Variants in NSMCE2 observed in about 807,000 individuals in gnomAD.
NSMCE2 encodes the protein E3 SUMO-protein ligase NSE2.
A neutral mutation model predicts 23.8 loss-of-function variants in NSMCE2; 24 were observed. The observed-to-expected ratio is 1.01, with a 90% CI of 0.73 to 1.42. The LOEUF is 1.42. NSMCE2 is among the 40% of genes most tolerant of loss of function. The pLI, the probability that NSMCE2 is intolerant of heterozygous loss-of-function variation, is 0.00. For missense variants in NSMCE2, 284 were observed against 296.5 expected (o/e 0.96, Z 0.31); for synonymous variants, 92 against 94.1 (o/e 0.98, Z 0.13).
At chr8:125,234,441 G>T (rs1825459700) in intron 5 of NSMCE2, among the ~76,000 whole-genome samples, 1 of 152,090 alleles carries the variant, frequency 6.6e-6, no homozygotes, top group South Asian at 2.1e-4. Flanking sequence ...GTATCTTCTT[G>T]CTCTGAGTCT....
intron 5 of NSMCE2, among the ~76,000 whole-genome samples, chr8:125,244,475 A>G (rs1394404041): frequency 5.9e-5 from 9 of 152,172 alleles, no homozygotes; most frequent in Non-Finnish European, 1.3e-4. Context: ...ATTAAAACCA[A>G]ACATTTATTA....
chr8:125,341,131 A>T (rs760930285), intron 5 of NSMCE2, among the ~76,000 whole-genome samples: 1 of 152,098 alleles, frequency 6.6e-6, no homozygotes, highest in Non-Finnish European at 1.5e-5. Flanking sequence ...ATAAAAGTGT[A>T]GTTAGAGTAA....
chr8:125,336,199 A>G (rs1830059152), intron 5 of NSMCE2, among the ~76,000 whole-genome samples: 1 of 152,170 alleles, frequency 6.6e-6, no homozygotes, highest in Non-Finnish European at 1.5e-5. Flanking sequence ...TCCAGGGAAG[A>G]AGGAAAGGAA....
intron 3 of NSMCE2, among the ~76,000 whole-genome samples, chr8:125,114,916 G>T (rs1244938128): frequency 6.6e-6 from 1 of 152,142 alleles, no homozygotes; most frequent in Non-Finnish European, 1.5e-5. Context: ...TGCTCTTTTT[G>T]CTGGCAGTTA....
At chr8:125,232,733 A>G (rs1460941374) in intron 5 of NSMCE2, among the ~76,000 whole-genome samples, 1 of 152,128 alleles carries the variant, frequency 6.6e-6, no homozygotes, top group Admixed American at 6.5e-5. Flanking sequence ...TTCTTATGTT[A>G]TCGTAAAGCC....
At chr8:125,281,677 C>A (rs987769180) in intron 5 of NSMCE2, among the ~76,000 whole-genome samples, 1 of 151,716 alleles carries the variant, frequency 6.6e-6, no homozygotes, top group Non-Finnish European at 1.5e-5. Flanking sequence ...TGGCCTCAAG[C>A]AATCTTACCC....
chr8:125,122,359 G>T (rs1373235771), intron 3 of NSMCE2, among the ~76,000 whole-genome samples: 1 of 151,958 alleles, frequency 6.6e-6, no homozygotes, highest in Non-Finnish European at 1.5e-5. Flanking sequence ...AAAGCATCTG[G>T]CATTTGCTTC....
At chr8:125,264,475 C>T (rs987267193) in intron 5 of NSMCE2, among the ~76,000 whole-genome samples, 1 of 152,076 alleles carries the variant, frequency 6.6e-6, no homozygotes, top group African/African-American at 2.4e-5. Flanking sequence ...GGCGCGAGCT[C>T]GGCTTACTGC....
intron 5 of NSMCE2, chr8:125,182,539 C>A: frequency 2.2e-6 from 1 of 459,840 alleles, no homozygotes; most frequent in Non-Finnish European, 3.8e-6. Flanking sequence ...ATTGGGAAAA[C>A]AAAATAAAAG....
intron 4 of NSMCE2, among the ~76,000 whole-genome samples, chr8:125,158,158 T>C (rs1238711533): frequency 6.6e-6 from 1 of 152,178 alleles, no homozygotes; most frequent in African/African-American, 2.4e-5. Context: ...TCCAGCACTT[T>C]GTGGCAGAGT....
At chr8:125,344,754 A>AG (rs1830374647) in intron 5 of NSMCE2, among the ~76,000 whole-genome samples, 1 of 151,444 alleles carries the variant, frequency 6.6e-6, no homozygotes, top group East Asian at 1.9e-4. Flanking sequence ...AAAAAAAAAA[A>AG]AGAAAAGAAA....
intron 5 of NSMCE2, among the ~76,000 whole-genome samples, chr8:125,269,352 C>T (rs1202961451): frequency 6.6e-6 from 1 of 152,200 alleles, no homozygotes; most frequent in Non-Finnish European, 1.5e-5. Context: ...TCCCAAAGTG[C>T]TGGGATTACA....
At chr8:125,171,607 T>G (rs1030616676) in intron 4 of NSMCE2, among the ~76,000 whole-genome samples, 1 of 152,252 alleles carries the variant, frequency 6.6e-6, no homozygotes, top group African/African-American at 2.4e-5. Context: ...CAGCTGCTGC[T>G]ACTAATACTG....
At chr8:125,099,987 T>C (rs765459558) in intron 1 of NSMCE2, among the ~76,000 whole-genome samples, 27 of 151,100 alleles carry the variant, frequency 1.8e-4, no homozygotes, top group Non-Finnish European at 2.4e-4. Context: ...TGTCTTAGAG[T>C]AGGGAGGGAG....
At chr8:125,211,971 C>T (rs1824363875) in intron 5 of NSMCE2, among the ~76,000 whole-genome samples, 1 of 152,174 alleles carries the variant, frequency 6.6e-6, no homozygotes, top group Non-Finnish European at 1.5e-5. Context: ...ACTTGTCAGA[C>T]CAGGTATCCT....
chr8:125,100,405 A>G (rs1185291234), intron 1 of NSMCE2, among the ~76,000 whole-genome samples: 10 of 152,074 alleles, frequency 6.6e-5, no homozygotes, highest in Non-Finnish European at 1.2e-4. Flanking sequence ...ACTCAGTTCT[A>G]TGTTCCCTTC....
intron 5 of NSMCE2, among the ~76,000 whole-genome samples, chr8:125,284,681 G>A (rs1158934580): frequency 1.6e-4 from 24 of 152,168 alleles, no homozygotes; most frequent in Admixed American, 1.6e-3. Context: ...ACCATGTTCA[G>A]TACTTGAATC....
chr8:125,116,474 G>A (rs1406428771), intron 3 of NSMCE2, among the ~76,000 whole-genome samples: 1 of 152,072 alleles, frequency 6.6e-6, no homozygotes, highest in African/African-American at 2.4e-5. Flanking sequence ...ACTTATTTCT[G>A]TGTATAGGGA....
intron 5 of NSMCE2, among the ~76,000 whole-genome samples, chr8:125,336,252 A>G (rs967350716): frequency 1.3e-5 from 2 of 152,234 alleles, no homozygotes; most frequent in African/African-American, 4.8e-5. Flanking sequence ...TGCTGGGCAT[A>G]TTAAATAATC....
Sources: gnomAD v4.1 joint callset for allele counts (sites outside exome capture counted in the v4.1 genomes callset) on GRCh38, gnomAD v4.1.1 for gene constraint, MANE v1.5 for transcripts, NCBI Gene and HGNC (gene_info 2026-07-23, HGNC 2026-07-21) for gene names.